Variants in NSUN7 observed in about 807,000 individuals in gnomAD.
NSUN7 encodes NOP2/Sun RNA methyltransferase family member 7.
Under a neutral mutation model 58.5 loss-of-function variants are expected in NSUN7, and 39 were observed. The observed-to-expected ratio is 0.67, with a 90% CI of 0.52 to 0.87. The LOEUF (loss-of-function observed/expected upper bound fraction) is 0.87. Ranked by LOEUF, NSUN7 falls within the 40% of genes least tolerant of loss-of-function variation. The probability of loss-of-function intolerance (pLI) is 0.00; values close to 1 mark genes in which losing one functional copy is unlikely to be tolerated. For synonymous variants in NSUN7, 278 were observed against 303.7 expected, an observed-to-expected ratio of 0.92 and a Z score of 0.88; for missense variants, 765 against 844.1, an observed-to-expected ratio of 0.91 and a Z score of 1.16.
intron 10 of NSUN7, among the ~76,000 whole-genome samples, chr4:40,800,307 T>A (rs1197979775): frequency 2.0e-5 from 3 of 152,200 alleles, no homozygotes; most frequent in Non-Finnish European, 4.4e-5. Context: ...TCTAGAGCAG[T>A]GGTTGTCAAA....
intron 4 of NSUN7, among the ~76,000 whole-genome samples, chr4:40,773,979 G>T (rs1370647014): frequency 6.6e-6 from 1 of 152,044 alleles, no homozygotes; most frequent in Non-Finnish European, 1.5e-5. Flanking sequence ...TGTATTTTTA[G>T]TAGAGATGGG....
intron 7 of NSUN7, among the ~76,000 whole-genome samples, chr4:40,789,419 G>T (rs901156429): frequency 6.6e-6 from 1 of 152,152 alleles, no homozygotes; most frequent in Non-Finnish European, 1.5e-5. Context: ...CTTTTGACAC[G>T]TGTGAGACTG....
chr4:40,780,519 A>G (rs929892681), intron 7 of NSUN7, among the ~76,000 whole-genome samples: 1 of 151,682 alleles, frequency 6.6e-6, no homozygotes, highest in Admixed American at 6.6e-5. Context: ...AGGTTAGAGG[A>G]TTGCTTGAGC....
intron 4 of NSUN7, among the ~76,000 whole-genome samples, chr4:40,764,869 A>T (rs2154287020): frequency 6.6e-6 from 1 of 152,152 alleles, no homozygotes. Context: ...TTGGCTGCAT[A>T]AATGTCTTCT....
intron 7 of NSUN7, among the ~76,000 whole-genome samples, chr4:40,784,816 T>C (rs11724316): frequency 0.29 from 43,892 of 152,106 alleles, 6,719 homozygotes; most frequent in Non-Finnish European, 0.34. Flanking sequence ...CAATTTATCT[T>C]AGTGGGAGAT....
At chr4:40,780,790 CACATAT>C (rs1181163738) in intron 7 of NSUN7, among the ~76,000 whole-genome samples, 35 of 110,966 alleles carry the variant, frequency 3.2e-4, no homozygotes, top group East Asian at 1.0e-3. Flanking sequence ...CACACACATA[CACATAT>C]ATATATATAT....
chr4:40,760,769 G>A (rs1741416459), intron 3 of NSUN7, among the ~76,000 whole-genome samples: 1 of 150,640 alleles, frequency 6.6e-6, no homozygotes, highest in Non-Finnish European at 1.5e-5. Context: ...GCTGAAGCAG[G>A]AGAATTGCTT....
intron 11 of NSUN7, among the ~76,000 whole-genome samples, chr4:40,808,053 A>AAAC (rs1743890645): frequency 6.9e-6 from 1 of 145,618 alleles, no homozygotes; most frequent in East Asian, 2.0e-4. Context: ...AAAAAAAAAA[A>AAAC]TCTGTGTGAT....
intron 11 of NSUN7, among the ~76,000 whole-genome samples, chr4:40,807,605 C>G (rs183139863): frequency 0.011 from 1,683 of 152,216 alleles, 15 homozygotes; most frequent in Middle Eastern, 0.037. Flanking sequence ...CTCGGCCTCA[C>G]AAAGTGCTGG....
intron 7 of NSUN7, among the ~76,000 whole-genome samples, chr4:40,785,903 T>C (rs1249196433): frequency 6.6e-6 from 1 of 152,252 alleles, no homozygotes; most frequent in African/African-American, 2.4e-5. Flanking sequence ...GCGCGGCGCC[T>C]GCCAGGCGCC....
chr4:40,786,790 G>A (rs879709136), intron 7 of NSUN7: 31 of 1,414,032 alleles, frequency 2.2e-5, no homozygotes, highest in South Asian at 1.7e-4. Flanking sequence ...TGTCTACAGC[G>A]TGGTTTGCCT....
intron 2 of NSUN7, among the ~76,000 whole-genome samples, chr4:40,753,561 A>T (rs1044019024): frequency 1.3e-5 from 2 of 152,246 alleles, no homozygotes; most frequent in Admixed American, 1.3e-4. Context: ...AATGACACAG[A>T]AAATCCCATT....
chr4:40,792,476 G>A (rs181477510), intron 8 of NSUN7, among the ~76,000 whole-genome samples: 4 of 152,352 alleles, frequency 2.6e-5, no homozygotes, highest in Non-Finnish European at 4.4e-5. Context: ...TACTGGCCGG[G>A]AGCGGTGGCT....
chr4:40,773,421 G>A (rs4861309), intron 4 of NSUN7, among the ~76,000 whole-genome samples: 72,286 of 151,904 alleles, frequency 0.48, 17,423 homozygotes, highest in Admixed American at 0.6. Flanking sequence ...GGTGGCTTAC[G>A]CCTGTAATCC....
chr4:40,760,349 T>C (rs1333943277), intron 2 of NSUN7, 85 bp from the exon 3 acceptor site: 3 of 921,780 alleles, frequency 3.3e-6, no homozygotes, highest in African/African-American at 1.7e-5. Flanking sequence ...ATGTATTTTA[T>C]GGCATTATTA....
intron 10 of NSUN7, among the ~76,000 whole-genome samples, chr4:40,799,177 C>T (rs1244635393): frequency 6.7e-6 from 1 of 150,012 alleles, no homozygotes; most frequent in East Asian, 1.9e-4. Context: ...ACTCCGCCTC[C>T]CAGGTTCAAG....
At chr4:40,757,688 A>T (rs533023310) in intron 2 of NSUN7, among the ~76,000 whole-genome samples, 5 of 141,026 alleles carry the variant, frequency 3.5e-5, no homozygotes, top group African/African-American at 1.3e-4. Flanking sequence ...ATATATACAC[A>T]CTGTGTATAT....
At chr4:40,791,261 C>G (rs777278912) in intron 8 of NSUN7, among the ~76,000 whole-genome samples, 2 of 152,148 alleles carry the variant, frequency 1.3e-5, no homozygotes, top group Non-Finnish European at 2.9e-5. Flanking sequence ...ATGAATGTCT[C>G]AGACTAAATA....
In NSUN7 at chr4:40,789,984, A is replaced by G. The variant is rs542871922; in HGVS notation, c.1037-618A>G. Among the ~76,000 whole-genome samples, 4 of 151,018 alleles carry G rather than the reference A, an allele frequency of 2.6e-5. 1 individual carries two copies. The highest frequency in any genetic ancestry group is 9.7e-5 in the African/African-American group (4 of 41,212). Reference sequence around the variant, plus strand: ...AAGTCACAAGATCCTTAAAGGTATGATTGATGTTTTACACCAGTTTGTATG... The same window carrying G: ...AAGTCACAAGATCCTTAAAGGTATGGTTGATGTTTTACACCAGTTTGTATG... On this transcript the variant is annotated intron_variant, in intron 7 of 11. Coordinates refer to ENST00000381782, the MANE Select transcript of NSUN7 (RefSeq NM_024677.6).
Sources: gnomAD v4.1 joint callset for allele counts (sites outside exome capture counted in the v4.1 genomes callset) on GRCh38, gnomAD v4.1.1 for gene constraint, MANE v1.5 for transcripts, NCBI Gene and HGNC (gene_info 2026-07-23, HGNC 2026-07-21) for gene names.